The following FANCC variants were observed in gnomAD, a reference collection of about 807,000 sequenced individuals.
FANCC encodes FA complementation group C.
Under a neutral mutation model 71.3 loss-of-function variants are expected in FANCC, and 55 were observed. That is an observed-to-expected ratio of 0.77 (90% CI 0.62 to 0.97). The LOEUF is 0.97. Among genes scored for constraint, FANCC ranks in the 50% least tolerant of loss-of-function variants. The pLI, the probability that FANCC is intolerant of heterozygous loss-of-function variation, is 0.00. For synonymous variants in FANCC, 275 were observed against 244.9 expected, an observed-to-expected ratio of 1.12 and a Z score of -1.15; for missense variants, 678 against 670.9, an observed-to-expected ratio of 1.01 and a Z score of -0.12.
At chr9:95,159,440 C>T (rs1792054244) in intron 6 of FANCC, among the ~76,000 whole-genome samples, 1 of 152,158 alleles carries the variant, frequency 6.6e-6, no homozygotes. Context: ...CATTGATGGA[C>T]ATTTAGGTTC....
chr9:95,149,164 TAAC>T (rs1260920277), intron 7 of FANCC, among the ~76,000 whole-genome samples: 1 of 152,152 alleles, frequency 6.6e-6, no homozygotes, highest in African/African-American at 2.4e-5. Context: ...ATTTTTTAAG[TAAC>T]AAACACATTT....
At chr9:95,278,432 G>A (rs1473298888) in intron 1 of FANCC, among the ~76,000 whole-genome samples, 3 of 152,122 alleles carry the variant, frequency 2.0e-5, no homozygotes, top group Admixed American at 1.3e-4. Flanking sequence ...AAAAAAGATC[G>A]AGAAAATAGA....
At chr9:95,209,828 C>T (rs1484634369) in intron 4 of FANCC, among the ~76,000 whole-genome samples, 1 of 152,170 alleles carries the variant, frequency 6.6e-6, no homozygotes, top group Non-Finnish European at 1.5e-5. Flanking sequence ...ACTGCAATAA[C>T]CTACTTCCAC....
rs2071039504 is a variant in FANCC, at chr9:95,100,576, GA to G, written c.*1130del. ...ACCAATACAATTCCAGAATGTCCCTGAAAGGAAAAAGCACCCTGTACTGACA... is the reference window on the plus strand; with the variant it reads ...ACCAATACAATTCCAGAATGTCCCTGAAGGAAAAAGCACCCTGTACTGACA... On this transcript the variant is annotated 3_prime_UTR_variant, in exon 15 of 15. Transcript: ENST00000289081. The G allele has an allele frequency of 4.3e-6, 1 of 231,090 alleles. No individual in the cohort carries two copies. Among genetic ancestry groups the G allele is most frequent in the Admixed American group, 5.6e-5 (1 of 17,716 alleles). The allele number at this position is 231,090 out of a possible 1,614,324, so 14.3% of individuals were successfully genotyped here.
At chr9:95,138,116 C>A (rs1245773408) in intron 7 of FANCC, among the ~76,000 whole-genome samples, 1 of 152,206 alleles carries the variant, frequency 6.6e-6, no homozygotes, top group African/African-American at 2.4e-5. Flanking sequence ...AACAGCCCTA[C>A]AAAACAGGTA....
intron 1 of FANCC, among the ~76,000 whole-genome samples, chr9:95,302,242 A>AG (rs534258902): frequency 8.5e-5 from 13 of 152,318 alleles, no homozygotes; most frequent in Non-Finnish European, 1.6e-4. Context: ...GGTGGACAGA[A>AG]GGGGTCACTG....
At chr9:95,291,191 T>C (rs1237429053) in intron 1 of FANCC, among the ~76,000 whole-genome samples, 1 of 152,126 alleles carries the variant, frequency 6.6e-6, no homozygotes, top group Non-Finnish European at 1.5e-5. Flanking sequence ...CTCTTACCAC[T>C]TCTATCCAAC....
chr9:95,282,468 T>C (rs1198813554), intron 1 of FANCC, among the ~76,000 whole-genome samples: 2 of 152,106 alleles, frequency 1.3e-5, no homozygotes, highest in African/African-American at 4.8e-5. Context: ...AACAGATAGA[T>C]TGTAACACAA....
intron 4 of FANCC, among the ~76,000 whole-genome samples, chr9:95,199,672 A>T (rs977505803): frequency 6.6e-6 from 1 of 152,092 alleles, no homozygotes; most frequent in Non-Finnish European, 1.5e-5. Flanking sequence ...GGGGTGGGGG[A>T]ACAGAGAAAA....
At chr9:95,250,582 A>G (rs1831269051) in intron 1 of FANCC, among the ~76,000 whole-genome samples, 1 of 152,252 alleles carries the variant, frequency 6.6e-6, no homozygotes, top group Admixed American at 6.5e-5. Flanking sequence ...AAGAAAGTTT[A>G]ATAATAGAGG....
At chr9:95,265,938 G>C (rs72752341) in intron 1 of FANCC, among the ~76,000 whole-genome samples, 1 of 152,160 alleles carries the variant, frequency 6.6e-6, no homozygotes, top group Non-Finnish European at 1.5e-5. Flanking sequence ...AGGAAACACA[G>C]GGGGCTGCAG....
intron 1 of FANCC, among the ~76,000 whole-genome samples, chr9:95,277,060 A>T (rs1435882268): frequency 6.6e-6 from 1 of 152,204 alleles, no homozygotes; most frequent in Non-Finnish European, 1.5e-5. Context: ...CAGCATTCCT[A>T]CGCATGATGG....
intron 1 of FANCC, among the ~76,000 whole-genome samples, chr9:95,261,510 G>A (rs1442297238): frequency 2.0e-5 from 3 of 152,070 alleles, no homozygotes; most frequent in Non-Finnish European, 2.9e-5. Flanking sequence ...GTGCATACAC[G>A]CACAGCATAT....
chr9:95,266,588 C>G (rs1832397245), intron 1 of FANCC, among the ~76,000 whole-genome samples: 2 of 152,170 alleles, frequency 1.3e-5, no homozygotes, highest in Admixed American at 6.5e-5. Flanking sequence ...ACTCCAGGCA[C>G]TGAAATTTTA....
intron 6 of FANCC, among the ~76,000 whole-genome samples, chr9:95,151,558 TC>T (rs1830167221): frequency 6.6e-6 from 1 of 152,186 alleles, no homozygotes; most frequent in East Asian, 1.9e-4. Context: ...TTCTGGTTTT[TC>T]ACTATTCAGA....
At chr9:95,245,573 T>C (rs991551148) in intron 3 of FANCC, among the ~76,000 whole-genome samples, 2 of 151,574 alleles carry the variant, frequency 1.3e-5, no homozygotes, top group African/African-American at 4.8e-5. Context: ...CACTATATTG[T>C]TACAGTTGAT....
chr9:95,301,005 T>C (rs533598397), intron 1 of FANCC, among the ~76,000 whole-genome samples: 1 of 152,096 alleles, frequency 6.6e-6, no homozygotes, highest in African/African-American at 2.4e-5. Context: ...GCTCTTTCTA[T>C]GTAGAAGGAA....
chr9:95,137,370 A>C (rs1284785157), intron 7 of FANCC, among the ~76,000 whole-genome samples: 3 of 152,086 alleles, frequency 2.0e-5, no homozygotes, highest in Non-Finnish European at 2.9e-5. Context: ...GGCAGAAGGC[A>C]GGGGGAAGGG....
At chr9:95,107,783 C>T (rs750198046) in intron 13 of FANCC, among the ~76,000 whole-genome samples, 12 of 152,170 alleles carry the variant, frequency 7.9e-5, no homozygotes, top group Non-Finnish European at 1.3e-4. Context: ...CGGTCATACA[C>T]ACATGCATGC....
Sources: allele counts gnomAD v4.1 joint callset (sites outside exome capture counted in the v4.1 genomes callset), GRCh38; gene constraint gnomAD v4.1.1; transcripts MANE v1.5; gene names NCBI Gene and HGNC (gene_info 2026-07-23, HGNC 2026-07-21).